SLC37A1: variants seen among roughly 807,000 people sequenced by gnomAD.
SLC37A1 encodes glucose-6-phosphate exchanger SLC37A1.
A neutral mutation model predicts 75.3 loss-of-function variants in SLC37A1; 49 were observed. The observed-to-expected ratio is 0.65, with a 90% confidence interval of 0.52 to 0.83. The LOEUF is 0.83. SLC37A1 is among the 40% of genes least tolerant of loss of function. SLC37A1 has a pLI of 0.00. For synonymous variants in SLC37A1, 268 were observed against 292.1 expected (o/e 0.92, Z 0.84); for missense variants, 566 against 695.0 (o/e 0.81, Z 2.09).
At chr21:42,502,668 T>G (rs1041653112) in intron 2 of SLC37A1, 1 of 152,232 alleles carries the variant, frequency 6.6e-6, no homozygotes, top group African/African-American at 2.4e-5. Context: ...GAACAATTTG[T>G]CAACTTTAAT....
chr21:42,554,638 C>T (rs1358941920), intron 10 of SLC37A1, among the ~76,000 whole-genome samples: 1 of 152,192 alleles, frequency 6.6e-6, no homozygotes, highest in African/African-American at 2.4e-5. Context: ...ACACAGAAAA[C>T]TGACATCATG....
intron 19 of SLC37A1, 150 bp from the exon 20 acceptor site, chr21:42,580,195 C>A: frequency 1.1e-6 from 1 of 881,826 alleles, no homozygotes; most frequent in Non-Finnish European, 1.8e-6. Flanking sequence ...GTTTATCCAG[C>A]ATCCAGCACC....
Position 42,518,384 on chromosome 21 carries a change from G to T in SLC37A1, c.-71G>T. 1 of 1,594,014 alleles carries T rather than the reference G, an allele frequency of 6.3e-7. No homozygotes were observed. Among genetic ancestry groups the T allele is most frequent in the South Asian group, 1.1e-5 (1 of 90,646 alleles). ...AGGGGCAACAGAGAGAGGATCTGGA[G>T]CCAGGATTAATGACTCATTTATGAA... On this transcript the variant is annotated 5_prime_UTR_variant, in exon 2 of 20. Transcript: ENST00000352133.
chr21:42,553,967 T>C, intron 9 of SLC37A1, 95 bp from the exon 10 acceptor site: 1 of 991,196 alleles, frequency 1.0e-6, no homozygotes, highest in South Asian at 1.8e-5. Context: ...GTAGCTTTTT[T>C]GGGACGATAG....
At chr21:42,542,556 T>C (rs1415287913) in intron 7 of SLC37A1, 76 bp downstream of exon 7, 1 of 1,424,282 alleles carries the variant, frequency 7.0e-7, no homozygotes, top group Non-Finnish European at 9.8e-7. Context: ...TGTAGACTGA[T>C]TACAGCAAAA....
At position 42,565,716 on chromosome 21, in the gene SLC37A1, T is replaced by G. The variant is rs1319932459; in HGVS notation, c.1222-111T>G. 3.0e-6 allele frequency: 3 copies of G among 984,292 alleles called. No homozygotes were observed. The Admixed American group carries it at 5.7e-5, about 19-fold the overall frequency. The allele number at this position is 984,292 out of a possible 1,614,324, so 61.0% of individuals were successfully genotyped here. A position where few individuals can be genotyped will look rare whatever the true frequency, so the allele number is the denominator to read the frequency against. ...ACGCTTTTTTAGGGGTTTCCACTCT[T>G]GGGATGGCTGCCTGAGAATCACCCG... On this transcript the variant is annotated intron_variant, in intron 14 of 19. Coordinates refer to ENST00000352133, the MANE Select transcript of SLC37A1 (RefSeq NM_001320537.2).
At chr21:42,520,310 C>G (rs2054616438) in intron 2 of SLC37A1, among the ~76,000 whole-genome samples, 1 of 152,068 alleles carries the variant, frequency 6.6e-6, no homozygotes, top group African/African-American at 2.4e-5. Context: ...TAGCACTGTT[C>G]CTCGGCCTTT....
chr21:42,557,473 T>A (rs1315600721), intron 10 of SLC37A1, among the ~76,000 whole-genome samples: 5 of 152,290 alleles, frequency 3.3e-5, no homozygotes, highest in Non-Finnish European at 1.5e-5. Flanking sequence ...GTGATGGGAT[T>A]ATCATCGGGA....
rs145180539 is a variant in SLC37A1, at chr21:42,578,240, G to T, written c.1522-1496G>T. 3.2e-3 allele frequency among the ~76,000 whole-genome samples: 490 copies of T among 152,298 alleles called. 3 individuals carry two copies. Among genetic ancestry groups the T allele is most frequent in the African/African-American group, 0.01 (416 of 41,558 alleles). ...AGGACTGCCTGGCGCACGACCGAAG[G>T]CCTCAGGTCTCCAGTGCGTGTCGCC... On this transcript the variant is annotated intron_variant, in intron 18 of 19. Transcript: ENST00000352133.
At chr21:42,579,133 G>A (rs1482471620) in intron 18 of SLC37A1, among the ~76,000 whole-genome samples, 2 of 152,252 alleles carry the variant, frequency 1.3e-5, no homozygotes, top group African/African-American at 4.8e-5. Context: ...TGAAGGGCAC[G>A]GAGTTAAAGC....
intron 10 of SLC37A1, among the ~76,000 whole-genome samples, chr21:42,556,635 C>CG (rs1248305902): frequency 6.6e-6 from 1 of 152,200 alleles, no homozygotes. Context: ...CCACACCCAC[C>CG]GGGGGCTCCA....
At chr21:42,533,001 C>T (rs1263081196) in intron 3 of SLC37A1, among the ~76,000 whole-genome samples, 1 of 152,222 alleles carries the variant, frequency 6.6e-6, no homozygotes, top group Non-Finnish European at 1.5e-5. Flanking sequence ...TGACGTGGCC[C>T]ACGTGCTGCC....
upstream of SLC37A1, among the ~76,000 whole-genome samples, chr21:42,509,928 C>T (rs963777488): frequency 6.6e-6 from 1 of 152,202 alleles, no homozygotes; most frequent in African/African-American, 2.4e-5. This position sits in a 1 kb window ranked among gnomAD's most constrained non-coding sequence, Gnocchi z 4.2. Context: ...TTCAGGGAAA[C>T]CTCAGTTCCC....
At chr21:42,556,513 C>G (rs1458629974) in intron 10 of SLC37A1, among the ~76,000 whole-genome samples, 1 of 152,212 alleles carries the variant, frequency 6.6e-6, no homozygotes, top group Non-Finnish European at 1.5e-5. Flanking sequence ...GCAGTCCCCC[C>G]ACATGCGTCT....
chr21:42,517,606 A>AGGCC (rs2146708507), intron 1 of SLC37A1, among the ~76,000 whole-genome samples: 1 of 152,324 alleles, frequency 6.6e-6, no homozygotes, highest in East Asian at 1.9e-4. Flanking sequence ...ATGGGAGACC[A>AGGCC]GGCCTGCCTG....
At chr21:42,571,322 G>A (rs1003654738) in intron 17 of SLC37A1, among the ~76,000 whole-genome samples, 7 of 152,344 alleles carry the variant, frequency 4.6e-5, no homozygotes, top group East Asian at 1.9e-4. Context: ...AGTGCCACAC[G>A]GTTTGTTGAC....
intron 12 of SLC37A1, among the ~76,000 whole-genome samples, chr21:42,562,391 C>T (rs2055852885): frequency 6.6e-6 from 1 of 152,204 alleles, no homozygotes; most frequent in South Asian, 2.1e-4. Context: ...ACGGTTGACA[C>T]GTTCTATCCC....
chr21:42,504,678 C>A (rs1423732445), intron 2 of SLC37A1, among the ~76,000 whole-genome samples: 1 of 152,214 alleles, frequency 6.6e-6, no homozygotes, highest in African/African-American at 2.4e-5. Flanking sequence ...AATTAATTGA[C>A]TCTAAAAGGG....
chr21:42,575,924 T>C (rs2056298224), intron 18 of SLC37A1: 1 of 985,358 alleles, frequency 1.0e-6, no homozygotes, highest in Non-Finnish European at 1.2e-6. Context: ...TTCCACTAAG[T>C]AGCAGTAAAA....
Sources: allele counts gnomAD v4.1 joint callset (sites outside exome capture counted in the v4.1 genomes callset), GRCh38; gene constraint gnomAD v4.1.1; non-coding constraint Gnocchi (gnomAD v3.1); transcripts MANE v1.5; gene names NCBI Gene and HGNC (gene_info 2026-07-23, HGNC 2026-07-21).